IST1: variants seen among roughly 807,000 people sequenced by gnomAD.
The protein encoded by IST1 is IST1 factor associated with ESCRT-III, also known as IST1 homolog.
Under a neutral mutation model 37.0 loss-of-function variants are expected in IST1, and 23 were observed. The observed-to-expected ratio is 0.62, with a 90% CI of 0.45 to 0.88. IST1 has a LOEUF of 0.88. Ranked by LOEUF, IST1 falls within the 40% of genes least tolerant of loss-of-function variation. IST1 has a pLI of 0.00. For synonymous variants in IST1, 180 were observed against 161.7 expected, an observed-to-expected ratio of 1.11 and a Z score of -0.86; for missense variants, 488 against 445.4, an observed-to-expected ratio of 1.10 and a Z score of -0.86.
intron 1 of IST1, among the ~76,000 whole-genome samples, chr16:71,899,901 T>TA (rs1265515062): frequency 6.6e-6 from 1 of 150,440 alleles, no homozygotes; most frequent in African/African-American, 2.4e-5. Flanking sequence ...TGGGTGCCTG[T>TA]AGTCCCAGCT....
chr16:71,895,392 G>C, upstream of IST1: 3 of 385,496 alleles, frequency 7.8e-6, no homozygotes, highest in Non-Finnish European at 1.1e-5. Flanking sequence ...AAAGGAAACC[G>C]AGGGAGGGTG....
intron 9 of IST1, among the ~76,000 whole-genome samples, chr16:71,927,002 C>G (rs1014926272): frequency 6.6e-6 from 1 of 152,098 alleles, no homozygotes; most frequent in Non-Finnish European, 1.5e-5. Flanking sequence ...TATCAGAATC[C>G]TATTATCACT....
chr16:71,916,731 A>G (rs920235225), intron 3 of IST1, 89 bp downstream of exon 3: 8 of 1,125,924 alleles, frequency 7.1e-6, no homozygotes, highest in African/African-American at 3.1e-5. Flanking sequence ...GGACTATTTC[A>G]CATGCCCAAG....
At chr16:71,908,339 G>A (rs1269424031) in intron 1 of IST1, among the ~76,000 whole-genome samples, 2 of 109,716 alleles carry the variant, frequency 1.8e-5, no homozygotes, top group African/African-American at 3.6e-5. Context: ...TTGCTCTGTC[G>A]CCCAGGCTGG....
intron 4 of IST1, among the ~76,000 whole-genome samples, chr16:71,920,349 A>G (rs1296825970): frequency 6.6e-6 from 1 of 152,240 alleles, no homozygotes; most frequent in Admixed American, 6.5e-5. Context: ...GCACAAAGCA[A>G]GGAGGCTTGA....
intron 4 of IST1, among the ~76,000 whole-genome samples, chr16:71,918,608 G>T (rs957022706): frequency 1.5e-4 from 23 of 151,908 alleles, no homozygotes; most frequent in Non-Finnish European, 7.4e-5. Context: ...GGTAGAGACG[G>T]GATTTCATCA....
At chr16:71,924,046 T>C (rs2037677109) in intron 8 of IST1, 2 of 448,272 alleles carry the variant, frequency 4.5e-6, no homozygotes, top group African/African-American at 4.0e-5. Flanking sequence ...GATCTTCCTG[T>C]TCCTGAGCTT....
At chr16:71,895,691 G>A in intron 1 of IST1, 102 bp downstream of exon 1, 1 of 315,582 alleles carries the variant, frequency 3.2e-6, no homozygotes, top group Non-Finnish European at 4.6e-6. Context: ...GGATTCAAAC[G>A]ACTTCGGAGG....
intron 4 of IST1, among the ~76,000 whole-genome samples, chr16:71,918,114 T>A (rs2037504908): frequency 6.6e-6 from 1 of 152,360 alleles, no homozygotes; most frequent in Admixed American, 6.5e-5. Flanking sequence ...ACTAGTCATC[T>A]TTCCTTGGGT....
In IST1 at chr16:71,928,820, G is replaced by C. The variant is rs1488090192; in HGVS notation, c.*1007G>C. 1 of 152,234 alleles carries C rather than the reference G, an allele frequency of 6.6e-6. No homozygotes were observed. The highest frequency in any genetic ancestry group is 1.5e-5 in the Non-Finnish European group (1 of 68,060). 9.4% of individuals were successfully genotyped at this position (152,234 alleles called of 1,614,324 possible). On this transcript the variant is annotated 3_prime_UTR_variant, in exon 10 of 10. Coordinates refer to ENST00000378799, the MANE Select transcript of IST1 (RefSeq NM_001270975.2). ...ATGGGACTCTTATGTCATAACTTCT[G>C]TTACTCCTTTGGCCCATAGCTAAGG...
chr16:71,920,719 G>T lies in IST1; in HGVS notation c.358-20G>T. 6.3e-7 allele frequency: 1 copy of T among 1,590,186 alleles called. No individual in the cohort carries two copies. The highest frequency in any genetic ancestry group is 1.1e-5 in the South Asian group (1 of 90,552). ...GTTGGAGTGGTCTCTATTTTTATTT[G>T]CTGTCCTTTTTCTTTTTAGGTTGCT... On this transcript the variant is annotated intron_variant, in intron 4 of 9. Transcript: ENST00000378799.
intron 3 of IST1, 76 bp from the exon 4 acceptor site, chr16:71,916,971 A>C (rs2037479778): frequency 1.1e-6 from 1 of 904,946 alleles, no homozygotes; most frequent in African/African-American, 1.7e-5. Context: ...TGGAGGCTAT[A>C]AAGTATATGA....
intron 1 of IST1, among the ~76,000 whole-genome samples, chr16:71,913,808 T>G (rs1433468211): frequency 1.3e-5 from 2 of 151,876 alleles, no homozygotes; most frequent in Non-Finnish European, 2.9e-5. Context: ...CACCCTACTA[T>G]TTAGCTTTTT....
intron 1 of IST1, among the ~76,000 whole-genome samples, chr16:71,906,129 G>C (rs1190633121): frequency 1.3e-5 from 2 of 150,116 alleles, no homozygotes; most frequent in African/African-American, 4.9e-5. Context: ...TCAGCCTCCC[G>C]AGTAGCTGAG....
intron 7 of IST1, 115 bp from the exon 8 acceptor site, chr16:71,923,173 T>TTA (rs894517027): frequency 9.3e-6 from 5 of 538,620 alleles, no homozygotes; most frequent in Non-Finnish European, 1.6e-5. Flanking sequence ...TCTTGAATAT[T>TTA]TATATATATT....
intron 4 of IST1, among the ~76,000 whole-genome samples, chr16:71,918,730 C>T (rs1440662454): frequency 1.3e-5 from 2 of 152,084 alleles, no homozygotes; most frequent in African/African-American, 4.8e-5. Context: ...TTGGTCTCTT[C>T]TGTACTCCTT....
intron 1 of IST1, among the ~76,000 whole-genome samples, chr16:71,912,032 T>G (rs2037366652): frequency 6.6e-6 from 1 of 151,826 alleles, no homozygotes; most frequent in Non-Finnish European, 1.5e-5. Flanking sequence ...AGAGTGACCT[T>G]GAGAGGTGGT....
Position 71,901,340 on chromosome 16 carries a change from A to T in IST1, c.-16+5751A>T, listed in dbSNP as rs367705652. Among the ~76,000 whole-genome samples, 9 of 151,942 alleles carry T rather than the reference A, an allele frequency of 5.9e-5. No homozygotes were observed. In the East Asian group the frequency reaches 1.3e-3, roughly 23 times the overall value. The stretch of plus-strand genomic sequence containing the variant: ...GCCATTCTCCTGCCTCACCCTCCCA[A>T]ATAGCTGGGACTACAGGCACCCATC... On this transcript the variant is annotated intron_variant, in intron 1 of 9. Transcript: ENST00000378799.
chr16:71,925,859 T>C (rs192273106), intron 9 of IST1, among the ~76,000 whole-genome samples: 4 of 152,258 alleles, frequency 2.6e-5, no homozygotes, highest in African/African-American at 9.6e-5. Context: ...AGAGGCGTTC[T>C]TAGCCCAGGA....
Sources: allele counts gnomAD v4.1 joint callset (sites outside exome capture counted in the v4.1 genomes callset), GRCh38; gene constraint gnomAD v4.1.1; transcripts MANE v1.5; gene names NCBI Gene and HGNC (gene_info 2026-07-23, HGNC 2026-07-21).